Variants in NDRG3 observed in about 807,000 individuals in gnomAD.
NDRG3 encodes NDRG family member 3, also known as protein NDRG3.
NDRG3 carries 23 observed loss-of-function variants against 57.2 expected under a neutral mutation model. That is an observed-to-expected ratio of 0.40 (90% CI 0.29 to 0.57). The LOEUF (loss-of-function observed/expected upper bound fraction) is 0.57. Ranked by LOEUF, NDRG3 falls within the 20% of genes least tolerant of loss-of-function variation. NDRG3 has a pLI of 0.42. For missense variants in NDRG3, 384 were observed against 457.3 expected, an observed-to-expected ratio of 0.84 and a Z score of 1.46; for synonymous variants, 132 against 162.6, an observed-to-expected ratio of 0.81 and a Z score of 1.43.
intron 2 of NDRG3, among the ~76,000 whole-genome samples, chr20:36,709,684 T>C (rs183305637): frequency 2.0e-5 from 3 of 152,286 alleles, no homozygotes; most frequent in Admixed American, 6.5e-5. Flanking sequence ...AGATAGACTA[T>C]GAGAAGCAAA....
At chr20:36,685,291 T>A (rs1265816558) in intron 5 of NDRG3, among the ~76,000 whole-genome samples, 1 of 150,622 alleles carries the variant, frequency 6.6e-6, no homozygotes, top group African/African-American at 2.5e-5. Flanking sequence ...ATTTTTAAAA[T>A]TTTATTATTA....
In NDRG3 at chr20:36,710,970, A is replaced by G. The variant is rs1228852206; in HGVS notation, c.58-3963T>C. Among the ~76,000 whole-genome samples, 62 of 150,382 alleles carry G rather than the reference A, an allele frequency of 4.1e-4. 1 individual carries two copies. Among genetic ancestry groups the G allele is most frequent in the Non-Finnish European group, 5.9e-5 (4 of 67,634 alleles). ...ACTCCAGCCTGGGCAACAGAGCAAG[A>G]CTCCATCTCAAAAAAATAAATAAAT... On this transcript the variant is annotated intron_variant, in intron 2 of 15. Transcript: ENST00000349004.
chr20:36,682,367 A>G (rs1307690272), intron 7 of NDRG3, 151 bp downstream of exon 7: 5 of 582,068 alleles, frequency 8.6e-6, no homozygotes, highest in Non-Finnish European at 1.5e-5. Flanking sequence ...GTACAAAGCT[A>G]GGCTTTATAC....
intron 1 of NDRG3, among the ~76,000 whole-genome samples, chr20:36,723,113 G>C (rs767437779): frequency 6.6e-6 from 1 of 152,164 alleles, no homozygotes; most frequent in Non-Finnish European, 1.5e-5. Context: ...AACCACATGA[G>C]AGACTCTAAG....
Position 36,746,076 on chromosome 20 carries a change from A to AGCG in NDRG3, c.-81_-80insCGC, listed in dbSNP as rs1555809892. 1 of 291,634 alleles carries AGCG rather than the reference A, an allele frequency of 3.4e-6. No homozygotes were observed. The highest frequency in any genetic ancestry group is 2.8e-5 in the African/African-American group (1 of 35,926). 18.1% of individuals were successfully genotyped at this position (291,634 alleles called of 1,614,324 possible). On this transcript the variant is annotated 5_prime_UTR_variant, in exon 1 of 16. Transcript: ENST00000349004. ...CGCGGGCACCCGCCGTCAGTGCAGC[A>AGCG]GCAGCGGCGGCGGCGGCGGCGGCGG... is the stretch of plus-strand genomic sequence containing the variant.
chr20:36,723,657 C>CGTGTG (rs1483265642), intron 1 of NDRG3, among the ~76,000 whole-genome samples: 2 of 107,670 alleles, frequency 1.9e-5, no homozygotes, highest in East Asian at 5.0e-4. Flanking sequence ...AGATATTAGT[C>CGTGTG]TAGTGTGTGT....
In NDRG3 at chr20:36,661,666, C is replaced by T. The variant is rs192132828; in HGVS notation, c.811-1282G>A. Among the ~76,000 whole-genome samples, 84 of 152,270 alleles carry T rather than the reference C, an allele frequency of 5.5e-4. 1 individual carries two copies. The highest frequency in any genetic ancestry group is 3.9e-4 in the Admixed American group (6 of 15,290). On this transcript the variant is annotated intron_variant, in intron 12 of 15. Coordinates refer to ENST00000349004, the MANE Select transcript of NDRG3 (RefSeq NM_032013.4). ...CGAGCCAAGTGTGAGGTGAGGTAGACTGAAAGTGAGGCTGGGGCACAGGCT... is the reference window on the plus strand; with the variant it reads ...CGAGCCAAGTGTGAGGTGAGGTAGATTGAAAGTGAGGCTGGGGCACAGGCT...
intron 15 of NDRG3, among the ~76,000 whole-genome samples, 183 bp downstream of exon 15, chr20:36,656,177 G>GT (rs1361261252): frequency 5.4e-5 from 8 of 148,356 alleles, no homozygotes; most frequent in African/African-American, 9.9e-5. Context: ...CCTGATGAAA[G>GT]TAAGTGCTGA....
rs1424423377 is a variant in NDRG3 at position 36,706,971 on chromosome 20, C to T, written c.93+1G>A. On this transcript the variant is annotated splice_donor_variant, in intron 3 of 15. Coordinates refer to ENST00000349004, the MANE Select transcript of NDRG3 (RefSeq NM_032013.4). LOFTEE classifies it high-confidence loss of function. ...CTCCTTCTTGCTTGTACAGTCCTTA[C>T]CTGACAGTCAAAGTCCTGGAAGTTT... The T allele has an allele frequency of 6.2e-7, 1 of 1,613,546 alleles. No homozygotes were observed. Among genetic ancestry groups the T allele is most frequent in the South Asian group, 1.1e-5 (1 of 91,072 alleles).
In NDRG3 at chr20:36,693,673, G is replaced by C. The variant is rs538704373; in HGVS notation, c.94-4889C>G. Among the ~76,000 whole-genome samples, 3 of 151,864 alleles carry C rather than the reference G, an allele frequency of 2.0e-5. No homozygotes were observed. The East Asian group carries it at 5.8e-4, about 29-fold the overall frequency. On this transcript the variant is annotated intron_variant, in intron 3 of 15. Coordinates refer to ENST00000349004, the MANE Select transcript of NDRG3 (RefSeq NM_032013.4). Reference sequence around the variant, plus strand: ...TGACATCAGATTCTCATAGGAGCATGAACCCTATTGTGAACTAAGCATGCA... The same window carrying C: ...TGACATCAGATTCTCATAGGAGCATCAACCCTATTGTGAACTAAGCATGCA...
chr20:36,656,132 C>CAAAAAAAA (rs1180409064), intron 15 of NDRG3, among the ~76,000 whole-genome samples: 1 of 49,240 alleles, frequency 2.0e-5, no homozygotes, highest in African/African-American at 7.1e-5. Context: ...GACTCTGTCT[C>CAAAAAAAA]AAAAAAAAAA....
chr20:36,730,520 T>C (rs1475025351), intron 1 of NDRG3, among the ~76,000 whole-genome samples: 1 of 151,634 alleles, frequency 6.6e-6, no homozygotes, highest in Non-Finnish European at 1.5e-5. Context: ...AATGTGAACA[T>C]ACTGGAGAAA....
At chr20:36,738,625 C>T (rs1448995084) in intron 1 of NDRG3, among the ~76,000 whole-genome samples, 1 of 151,328 alleles carries the variant, frequency 6.6e-6, no homozygotes, top group Admixed American at 6.6e-5. Flanking sequence ...GAGTTTGAGA[C>T]AAGCCTGGCC....
At chr20:36,669,349 C>A (rs1979931730) in intron 9 of NDRG3, among the ~76,000 whole-genome samples, 1 of 149,858 alleles carries the variant, frequency 6.7e-6, no homozygotes, top group Non-Finnish European at 1.5e-5. Context: ...CCTGCCTCAA[C>A]CTTCCAAGTA....
At position 36,682,534 on chromosome 20, in the gene NDRG3, A is replaced by T. The variant is rs1421565924; in HGVS notation, c.428T>A (p.Ile143Asn). 1 of 1,614,070 alleles carries T rather than the reference A, an allele frequency of 6.2e-7. No individual in the cohort carries two copies. The highest frequency in any genetic ancestry group is 1.7e-5 in the Admixed American group (1 of 60,008). Residue 143 changes from isoleucine to asparagine, a missense_variant, in exon 7 of 16, where the codon ATC (isoleucine) becomes AAC (asparagine). By Grantham distance (149) the Ile-to-Asn change is moderately radical (BLOSUM62 -3). Transcript: ENST00000349004. ...IGIGVGAGAY[I>N]LSRFALNHPE... is the part of the protein sequence containing the mutation. ...CATACTTACTGCAAATCTGCTGAGGATGTAAGCTCCAGCTCCAACTCCAAT... is the reference window on the plus strand; with the variant it reads ...CATACTTACTGCAAATCTGCTGAGGTTGTAAGCTCCAGCTCCAACTCCAAT...
chr20:36,729,428 T>C (rs1985141559), intron 1 of NDRG3, among the ~76,000 whole-genome samples: 1 of 152,164 alleles, frequency 6.6e-6, no homozygotes, highest in Non-Finnish European at 1.5e-5. Context: ...ATATGATCAG[T>C]TTTAAGTGAT....
At chr20:36,682,705 A>G in intron 6 of NDRG3, 127 bp from the exon 7 acceptor site, 3 of 768,268 alleles carry the variant, frequency 3.9e-6, no homozygotes, top group Non-Finnish European at 6.4e-6. Context: ...GAATTTGGGC[A>G]AGTGTTTTTT....
At chr20:36,698,037 C>G (rs1568651619) in intron 3 of NDRG3, among the ~76,000 whole-genome samples, 1 of 148,856 alleles carries the variant, frequency 6.7e-6, no homozygotes, top group African/African-American at 2.5e-5. Flanking sequence ...CCGATCTCAG[C>G]TCACTGCAAC....
At chr20:36,713,619 C>T (rs993288210) in intron 2 of NDRG3, among the ~76,000 whole-genome samples, 1 of 152,104 alleles carries the variant, frequency 6.6e-6, no homozygotes, top group Non-Finnish European at 1.5e-5. Context: ...AGACCTTAGA[C>T]CAACTATCAA....
Sources: gnomAD v4.1 joint callset for allele counts (sites outside exome capture counted in the v4.1 genomes callset) on GRCh38, gnomAD v4.1.1 for gene constraint, MANE v1.5 for transcripts, NCBI Gene and HGNC (gene_info 2026-07-23, HGNC 2026-07-21) for gene names.